GABRB2: variants seen among roughly 807,000 people sequenced by gnomAD.
GABRB2 encodes gamma-aminobutyric acid type A receptor subunit beta2, also known as gamma-aminobutyric acid receptor subunit beta-2.
A neutral mutation model predicts 54.7 loss-of-function variants in GABRB2; 16 were observed. That is an observed-to-expected ratio of 0.29 (90% confidence interval 0.20 to 0.44). The LOEUF is 0.44. Among genes scored for constraint, GABRB2 ranks in the 20% least tolerant of loss-of-function variants. The pLI is 1.00. For missense variants in GABRB2, 355 were observed against 644.0 expected (o/e 0.55, Z 4.86); for synonymous variants, 244 against 233.8 (o/e 1.04, Z -0.40).
rs191826896 is a variant in GABRB2, at chr5:161,485,296, C to A, written c.238-25452G>T. Among the ~76,000 whole-genome samples, 264 of 151,964 alleles carry A rather than the reference C, an allele frequency of 1.7e-3. 1 individual carries two copies. Among genetic ancestry groups the A allele is most frequent in the African/African-American group, 6.1e-3 (252 of 41,478 alleles). ...TGTAATTTCTAATTTGCTATTTCCC[C>A]CAGTGGTCTATAAATTGTATTAAAA... On this transcript the variant is annotated intron_variant, in intron 3 of 9. Coordinates refer to ENST00000393959, the MANE Select transcript of GABRB2 (RefSeq NM_001371727.1).
intron 3 of GABRB2, among the ~76,000 whole-genome samples, chr5:161,528,082 A>G (rs1760337278): frequency 6.6e-6 from 1 of 151,802 alleles, no homozygotes; most frequent in Admixed American, 6.6e-5. Context: ...GACTGATTGA[A>G]CAAGTATGCT....
chr5:161,343,929 A>G (rs2113421363), intron 5 of GABRB2, among the ~76,000 whole-genome samples: 1 of 152,250 alleles, frequency 6.6e-6, no homozygotes, highest in South Asian at 2.1e-4. Flanking sequence ...AAATCACTTG[A>G]AAATCTTGTG....
chr5:161,398,654 TTTTG>T (rs999384645), intron 5 of GABRB2, among the ~76,000 whole-genome samples: 24 of 144,376 alleles, frequency 1.7e-4, no homozygotes, highest in African/African-American at 5.7e-4. Flanking sequence ...GACACTGTTT[TTTTG>T]TTTGTTTGTC....
At chr5:161,456,730 C>T (rs1380277481) in intron 4 of GABRB2, among the ~76,000 whole-genome samples, 3 of 152,084 alleles carry the variant, frequency 2.0e-5, no homozygotes, top group African/African-American at 2.4e-5. Flanking sequence ...CAAGTACATG[C>T]TAAGTCTCTT....
At chr5:161,460,288 G>A (rs1423754820) in intron 3 of GABRB2, among the ~76,000 whole-genome samples, 2 of 152,130 alleles carry the variant, frequency 1.3e-5, no homozygotes. Context: ...GTGTGTGTGT[G>A]TGTGTGTGTG....
At chr5:161,527,133 C>A (rs767719425) in intron 3 of GABRB2, among the ~76,000 whole-genome samples, 1 of 151,042 alleles carries the variant, frequency 6.6e-6, no homozygotes, top group Non-Finnish European at 1.5e-5. Context: ...AGTGTTGGCA[C>A]AAAAATAGGG....
intron 5 of GABRB2, among the ~76,000 whole-genome samples, chr5:161,356,977 C>T (rs1181507924): frequency 3.9e-5 from 6 of 152,104 alleles, no homozygotes; most frequent in Admixed American, 3.9e-4. Context: ...TTGGTCAAAA[C>T]AAAAACAAAA....
intron 4 of GABRB2, among the ~76,000 whole-genome samples, chr5:161,434,603 T>C (rs772433842): frequency 1.4e-4 from 22 of 152,206 alleles, no homozygotes; most frequent in Non-Finnish European, 3.2e-4. Context: ...TCTGCTCTTC[T>C]TCACACTCTA....
chr5:161,365,918 T>C (rs1424090644), intron 5 of GABRB2, among the ~76,000 whole-genome samples: 1 of 151,976 alleles, frequency 6.6e-6, no homozygotes, highest in African/African-American at 2.4e-5. Context: ...TTTCTTTCTC[T>C]GAAATTTGAC....
chr5:161,356,140 A>G (rs1175764745), intron 5 of GABRB2, among the ~76,000 whole-genome samples: 1 of 152,156 alleles, frequency 6.6e-6, no homozygotes, highest in Non-Finnish European at 1.5e-5. Flanking sequence ...GCAACAGTAA[A>G]CTAATGTTTT....
chr5:161,421,237 A>G (rs1314012151), intron 4 of GABRB2, among the ~76,000 whole-genome samples: 1 of 152,202 alleles, frequency 6.6e-6, no homozygotes, highest in East Asian at 1.9e-4. Context: ...TGTGAAAGAA[A>G]GGAAGCTGTG....
At chr5:161,294,817 AAATT>A (rs1486831327) in intron 9 of GABRB2, among the ~76,000 whole-genome samples, 1 of 152,202 alleles carries the variant, frequency 6.6e-6, no homozygotes, top group African/African-American at 2.4e-5. Context: ...CAGTGTTAGG[AAATT>A]AATTACTGAA....
intron 5 of GABRB2, among the ~76,000 whole-genome samples, chr5:161,400,850 T>C (rs951883990): frequency 6.6e-6 from 1 of 152,182 alleles, no homozygotes; most frequent in Admixed American, 6.5e-5. Context: ...TAGTTACAAG[T>C]CAGCTTGTTA....
intron 4 of GABRB2, among the ~76,000 whole-genome samples, chr5:161,414,245 A>G (rs1219466471): frequency 6.6e-6 from 1 of 152,206 alleles, no homozygotes; most frequent in African/African-American, 2.4e-5. Context: ...CAGACAAGTC[A>G]TTGTATTCTC....
In GABRB2 at chr5:161,289,911, G is replaced by GGCACT. The variant is rs1240154040; in HGVS notation, c.*4165_*4169dup. On this transcript the variant is annotated 3_prime_UTR_variant, in exon 10 of 10. Coordinates refer to ENST00000393959, the MANE Select transcript of GABRB2 (RefSeq NM_001371727.1). The stretch of plus-strand genomic sequence containing the variant: ...AGGGTGTTTAAATTACTCTGCTGGG[G>GGCACT]GCACTGCAGTAATAGTACTTAGTAA... 2.6e-5 allele frequency: 4 copies of GGCACT among 151,838 alleles called. 1 individual carries two copies. In the South Asian group the frequency reaches 8.3e-4, roughly 32 times the overall value. 9.4% of individuals were successfully genotyped at this position (151,838 alleles called of 1,614,324 possible).
chr5:161,337,237 G>A (rs896095930), intron 5 of GABRB2, among the ~76,000 whole-genome samples: 8 of 152,068 alleles, frequency 5.3e-5, no homozygotes, highest in Non-Finnish European at 1.2e-4. Context: ...TTAGTATAAT[G>A]CTGATTATCA....
intron 4 of GABRB2, among the ~76,000 whole-genome samples, chr5:161,425,825 C>T (rs181069881): frequency 7.9e-5 from 12 of 152,156 alleles, no homozygotes; most frequent in African/African-American, 2.6e-4. Flanking sequence ...TACCATCTTT[C>T]TCCTAGCAAA....
intron 9 of GABRB2, among the ~76,000 whole-genome samples, chr5:161,310,132 G>C (rs1399116548): frequency 6.6e-6 from 1 of 152,074 alleles, no homozygotes; most frequent in Non-Finnish European, 1.5e-5. Context: ...TGGTCACATT[G>C]AGGGGAACAA....
chr5:161,430,738 T>C (rs753771818), intron 4 of GABRB2, among the ~76,000 whole-genome samples: 9 of 152,124 alleles, frequency 5.9e-5, no homozygotes, highest in Non-Finnish European at 1.2e-4. Context: ...TGTGAGTACT[T>C]ATGTTCAAGC....
Sources: allele counts gnomAD v4.1 joint callset (sites outside exome capture counted in the v4.1 genomes callset), GRCh38; gene constraint gnomAD v4.1.1; transcripts MANE v1.5; gene names NCBI Gene and HGNC (gene_info 2026-07-23, HGNC 2026-07-21).